The following TRPM3 variants were observed in gnomAD, a reference collection of about 807,000 sequenced individuals.
The protein encoded by TRPM3 is transient receptor potential cation channel subfamily M member 3.
A neutral mutation model predicts 181.2 loss-of-function variants in TRPM3; 77 were observed. The ratio of observed to expected loss-of-function variants is 0.42; its 90% confidence interval spans 0.35 to 0.51. The LOEUF is 0.51. Among genes scored for constraint, TRPM3 ranks in the 20% least tolerant of loss-of-function variants. The probability of loss-of-function intolerance (pLI) is 0.01; values close to 1 mark genes in which losing one functional copy is unlikely to be tolerated. For synonymous variants in TRPM3, 745 were observed against 796.4 expected (o/e 0.94, Z 1.09); for missense variants, 1,759 against 2,196.7 (o/e 0.80, Z 3.98).
At chr9:70,749,573 T>A (rs910705528) in intron 8 of TRPM3, among the ~76,000 whole-genome samples, 1 of 152,132 alleles carries the variant, frequency 6.6e-6, no homozygotes, top group African/African-American at 2.4e-5. Context: ...GTAAATAACA[T>A]CCTGCTTATT....
chr9:71,104,422 C>T (rs771382958), intron 1 of TRPM3, among the ~76,000 whole-genome samples: 2 of 152,148 alleles, frequency 1.3e-5, no homozygotes, highest in Admixed American at 1.3e-4. Context: ...AAAAACATAT[C>T]GAATGCTTCT....
At chr9:70,834,338 G>T (rs2094154792) in intron 5 of TRPM3, among the ~76,000 whole-genome samples, 1 of 152,200 alleles carries the variant, frequency 6.6e-6, no homozygotes, top group Non-Finnish European at 1.5e-5. Context: ...AAATGGACTT[G>T]CTCCCTTTGC....
chr9:71,443,760 T>C (rs1406241157), intron 1 of TRPM3, among the ~76,000 whole-genome samples: 1 of 152,154 alleles, frequency 6.6e-6, no homozygotes, highest in African/African-American at 2.4e-5. Context: ...ACACTTTACA[T>C]ACCAAAAGAG....
intron 1 of TRPM3, among the ~76,000 whole-genome samples, chr9:71,249,552 A>C (rs2132011838): frequency 6.6e-6 from 1 of 152,288 alleles, no homozygotes; most frequent in East Asian, 1.9e-4. Context: ...AAATACGCTA[A>C]CCAGTATTTT....
chr9:71,359,778 G>C (rs1305428888), intron 1 of TRPM3, among the ~76,000 whole-genome samples: 1 of 152,004 alleles, frequency 6.6e-6, no homozygotes, highest in Non-Finnish European at 1.5e-5. Context: ...TTATCTGTAT[G>C]ATCTTGGGTT....
intron 1 of TRPM3, among the ~76,000 whole-genome samples, chr9:71,284,410 T>C (rs1167064955): frequency 1.3e-5 from 2 of 152,182 alleles, no homozygotes; most frequent in African/African-American, 4.8e-5. Flanking sequence ...CAGCCATCCT[T>C]ATATGTGAAG....
upstream of TRPM3, among the ~76,000 whole-genome samples, chr9:71,125,469 C>T (rs2073972392): frequency 6.6e-6 from 1 of 152,116 alleles, no homozygotes. Context: ...GTTCCTGTGT[C>T]AGTTCGCTGA....
At chr9:71,220,512 T>C (rs1200728967) in intron 1 of TRPM3, among the ~76,000 whole-genome samples, 2 of 152,042 alleles carry the variant, frequency 1.3e-5, no homozygotes, top group South Asian at 2.1e-4. Context: ...TTAGTTCTTA[T>C]CCTATTTTGA....
At chr9:70,540,380 C>A (rs899010232) in intron 25 of TRPM3, among the ~76,000 whole-genome samples, 2 of 152,196 alleles carry the variant, frequency 1.3e-5, no homozygotes, top group African/African-American at 4.8e-5. Flanking sequence ...TTTGACCTAA[C>A]CGTAGTCACT....
intron 1 of TRPM3, among the ~76,000 whole-genome samples, chr9:71,117,726 T>C (rs779974624): frequency 6.6e-6 from 1 of 152,188 alleles, no homozygotes; most frequent in Non-Finnish European, 1.5e-5. Context: ...GTGAGCAAAC[T>C]CATATGATTT....
intron 1 of TRPM3, among the ~76,000 whole-genome samples, chr9:70,900,751 A>G (rs2096373145): frequency 6.6e-6 from 1 of 152,124 alleles, no homozygotes; most frequent in African/African-American, 2.4e-5. Flanking sequence ...AATCGTGGTG[A>G]TGGTCCAGCA....
chr9:70,630,408 T>C (rs1293916326), intron 12 of TRPM3, among the ~76,000 whole-genome samples: 13 of 152,226 alleles, frequency 8.5e-5, no homozygotes, highest in Non-Finnish European at 1.8e-4. Context: ...CCCCTGGAGT[T>C]TGGTTAGTGG....
In TRPM3 at chr9:70,625,648, A is replaced by T; in HGVS notation, c.1633-131T>A. On this transcript the variant is annotated intron_variant, in intron 12 of 25. Coordinates refer to ENST00000677713, the MANE Select transcript of TRPM3 (RefSeq NM_001366145.2). The surrounding 1 kb of genome is among the most constrained non-coding windows in gnomAD (Gnocchi z 4.8). ...GTGTAGAAGAAAGAAACACAAGGCT[A>T]GACAGGGCAAATGCTATCACTCCCA... 1 of 884,716 alleles carries T rather than the reference A, an allele frequency of 1.1e-6. No homozygotes were observed. The highest frequency in any genetic ancestry group is 1.7e-6 in the Non-Finnish European group (1 of 571,864). The allele number at this position is 884,716 out of a possible 1,614,324, so 54.8% of individuals were successfully genotyped here. A position where few individuals can be genotyped will look rare whatever the true frequency, so the allele number is the denominator to read the frequency against.
chr9:70,610,706 T>A lies in TRPM3; in HGVS notation c.2570A>T (p.Asp857Val). The A allele has an allele frequency of 6.2e-7, 1 of 1,614,198 alleles. No homozygotes were observed. Among genetic ancestry groups the A allele is most frequent in the South Asian group, 1.1e-5 (1 of 91,080 alleles). Residue 857 changes from aspartate (D) to valine (V), a missense_variant, in exon 19 of 26, where the codon GAT (aspartate) becomes GTT (valine). Coordinates refer to ENST00000677713, the MANE Select transcript of TRPM3 (RefSeq NM_001366145.2). ...GTGCTTGCTCTGAACTTCCTCTTCATCCTTCTTCCTGGAGGACTCCCCGTT... is the reference window on the plus strand; with the variant it reads ...GTGCTTGCTCTGAACTTCCTCTTCAACCTTCTTCCTGGAGGACTCCCCGTT... ...RNNGESSRKKDEEEVQSKHRL... is the reference protein window; with the variant it reads ...RNNGESSRKKVEEEVQSKHRL...
intron 1 of TRPM3, among the ~76,000 whole-genome samples, chr9:71,176,774 T>G (rs76832201): frequency 0.13 from 20,443 of 152,086 alleles, 1,768 homozygotes; most frequent in Non-Finnish European, 0.19. Context: ...TACAGGAGTT[T>G]TACTGTGTAT....
rs561784060 is a variant in TRPM3, at chr9:70,798,762, T to C, written c.974-14483A>G. ...GTGATAATCATTAAGGGGTTGCCTG[T>C]CATACCTCAACACTGTTGGAAGGTA... is the stretch of plus-strand genomic sequence containing the variant. On this transcript the variant is annotated intron_variant, in intron 6 of 25. Transcript: ENST00000677713. Among the ~76,000 whole-genome samples the C allele has an allele frequency of 1.3e-4, 20 of 152,338 alleles. 1 individual carries two copies. Among genetic ancestry groups the C allele is most frequent in the South Asian group, 1.2e-3 (6 of 4,832 alleles).
At chr9:70,817,468 A>G (rs951852387) in intron 6 of TRPM3, among the ~76,000 whole-genome samples, 3 of 152,124 alleles carry the variant, frequency 2.0e-5, no homozygotes, top group Non-Finnish European at 4.4e-5. Context: ...GAATAGGAAA[A>G]ATTCCTGTCT....
chr9:70,960,967 A>C (rs1198368545), intron 1 of TRPM3, among the ~76,000 whole-genome samples: 3 of 152,214 alleles, frequency 2.0e-5, no homozygotes, highest in Non-Finnish European at 2.9e-5. Flanking sequence ...AGTAGACAGA[A>C]TAATGCCTGT....
intron 1 of TRPM3, among the ~76,000 whole-genome samples, chr9:71,305,230 T>C (rs2087167608): frequency 6.6e-6 from 1 of 152,204 alleles, no homozygotes; most frequent in South Asian, 2.1e-4. Context: ...GGTTTAATTA[T>C]AATCAAAATA....
Sources: allele counts gnomAD v4.1 joint callset (sites outside exome capture counted in the v4.1 genomes callset), GRCh38; gene constraint gnomAD v4.1.1; non-coding constraint Gnocchi (gnomAD v3.1); transcripts MANE v1.5; gene names NCBI Gene and HGNC (gene_info 2026-07-23, HGNC 2026-07-21).